Variants in LRRN1 observed in about 807,000 individuals in gnomAD.
The protein encoded by LRRN1 is leucine-rich repeat neuronal protein 1.
LRRN1 carries 14 observed loss-of-function variants against 45.8 expected under a neutral mutation model. That is an observed-to-expected ratio of 0.31 (90% confidence interval 0.20 to 0.48). LRRN1 has a LOEUF of 0.48. Ranked by LOEUF, LRRN1 falls within the 20% of genes least tolerant of loss-of-function variation. The pLI is 0.99. For missense variants in LRRN1, 789 were observed against 874.2 expected (o/e 0.90, Z 1.23); for synonymous variants, 359 against 330.1 (o/e 1.09, Z -0.95).
chr3:3,802,749 G>A (rs767476299), intron 1 of LRRN1, among the ~76,000 whole-genome samples: 30 of 152,164 alleles, frequency 2.0e-4, no homozygotes, highest in Non-Finnish European at 3.7e-4. Flanking sequence ...GACTCTACAC[G>A]CCTGATGTCT....
In LRRN1 at chr3:3,846,225, A is replaced by C; in HGVS notation, c.1584A>C (p.Lys528Asn). Reference sequence around the variant, plus strand: ...TTCTGGATGGTACCCAGGTGCTAAAAATATACGTCAAGCAGACAGAATCCC... The same window carrying C: ...TTCTGGATGGTACCCAGGTGCTAAACATATACGTCAAGCAGACAGAATCCC... Reference protein sequence around the residue: ...GTLLDGTQVLKIYVKQTESHS... With the variant: ...GTLLDGTQVLNIYVKQTESHS... The change falls in exon 2 of 2, where the codon AAA (lysine) becomes AAC (asparagine). Residue 528 changes from lysine to asparagine, a missense_variant. Physicochemically the swap from Lys to Asn is moderately conservative, Grantham distance 94. Coordinates refer to ENST00000319331, the MANE Select transcript of LRRN1 (RefSeq NM_020873.7). The surrounding 1 kb of genome is among the most constrained non-coding windows in gnomAD (Gnocchi z 5.7). 1 of 1,614,086 alleles carries C rather than the reference A, an allele frequency of 6.2e-7. No homozygotes were observed. Among genetic ancestry groups the C allele is most frequent in the Non-Finnish European group, 8.5e-7 (1 of 1,180,026 alleles).
intron 1 of LRRN1, among the ~76,000 whole-genome samples, chr3:3,811,062 T>TA (rs1420682336): frequency 6.6e-6 from 1 of 152,130 alleles, no homozygotes; most frequent in Non-Finnish European, 1.5e-5. Flanking sequence ...ACCACACAGC[T>TA]GGTCACCTGG....
At chr3:3,812,730 G>T (rs1238967013) in intron 1 of LRRN1, among the ~76,000 whole-genome samples, 1 of 151,280 alleles carries the variant, frequency 6.6e-6, no homozygotes, top group Non-Finnish European at 1.5e-5. Context: ...CATATGCCAA[G>T]TCGGGCACAC....
At chr3:3,834,149 T>C (rs1404219034) in intron 1 of LRRN1, among the ~76,000 whole-genome samples, 4 of 152,094 alleles carry the variant, frequency 2.6e-5, no homozygotes. Flanking sequence ...TCATTTTCCA[T>C]CATTTTCTTT....
At chr3:3,823,292 C>G (rs1307833827) in intron 1 of LRRN1, among the ~76,000 whole-genome samples, 1 of 152,068 alleles carries the variant, frequency 6.6e-6, no homozygotes, top group African/African-American at 2.4e-5. Flanking sequence ...TTCCTTCCTT[C>G]ATCACTTTCT....
intron 1 of LRRN1, among the ~76,000 whole-genome samples, chr3:3,803,467 A>T (rs1465642765): frequency 6.6e-6 from 1 of 152,190 alleles, no homozygotes; most frequent in East Asian, 1.9e-4. Flanking sequence ...TCCCCGAATG[A>T]TTCATTTCAG....
Position 3,826,003 on chromosome 3 carries a change from T to C in LRRN1, c.-278-18361T>C, listed in dbSNP as rs919297310. On this transcript the variant is annotated intron_variant, in intron 1 of 1. Coordinates refer to ENST00000319331, the MANE Select transcript of LRRN1 (RefSeq NM_020873.7). ...GCCATAAAGGGACTCTGAAAGCAGG[T>C]AGGTTCTGTTTGGCCTGCACAGCTA... is the stretch of plus-strand genomic sequence containing the variant. 2.6e-5 allele frequency among the ~76,000 whole-genome samples: 4 copies of C among 152,156 alleles called. No homozygotes were observed. In the South Asian group the frequency reaches 8.3e-4, roughly 31 times the overall value.
chr3:3,844,569 A>G lies in LRRN1; in HGVS notation c.-73A>G, dbSNP rs1693715321. 3.5e-6 allele frequency: 4 copies of G among 1,128,244 alleles called. No homozygotes were observed. Among genetic ancestry groups the G allele is most frequent in the Non-Finnish European group, 5.1e-6 (4 of 781,512 alleles). 69.9% of individuals were successfully genotyped at this position (1,128,244 alleles called of 1,614,324 possible). ...TTACATTTTCTGCTCGCTGTCCTAC[A>G]TATCACAATATAGTGTTCACGTTTT... On this transcript the variant is annotated 5_prime_UTR_variant, in exon 2 of 2. Coordinates refer to ENST00000319331, the MANE Select transcript of LRRN1 (RefSeq NM_020873.7).
intron 1 of LRRN1, among the ~76,000 whole-genome samples, chr3:3,826,094 A>T (rs13086561): frequency 6.6e-6 from 1 of 151,940 alleles, no homozygotes; most frequent in African/African-American, 2.4e-5. Flanking sequence ...ACTGCTTCTT[A>T]CTGTGTTAGA....
intron 1 of LRRN1, among the ~76,000 whole-genome samples, chr3:3,807,030 C>T (rs1442211): frequency 0.047 from 7,082 of 152,270 alleles, 231 homozygotes; most frequent in Non-Finnish European, 0.068. Context: ...GGAGTCCTAA[C>T]AGGTAACAAG....
Position 3,799,852 on chromosome 3 carries a change from T to TGCCGCC in LRRN1, c.-335_-330dup, listed in dbSNP as rs200165542. 120 of 163,564 alleles carry TGCCGCC rather than the reference T, an allele frequency of 7.3e-4. 2 individuals carry two copies. The highest frequency in any genetic ancestry group is 2.3e-3 in the Admixed American group (36 of 15,580). 10.1% of individuals were successfully genotyped at this position (163,564 alleles called of 1,614,324 possible). ...GTCTTTCTCCTCCTCCTGCTGCTGC[T>TGCCGCC]GCCGCCGCCGCCGCCGTGGGTGCCG... On this transcript the variant is annotated 5_prime_UTR_variant, in exon 1 of 2. Coordinates refer to ENST00000319331, the MANE Select transcript of LRRN1 (RefSeq NM_020873.7).
rs943883168 is a variant in LRRN1, at chr3:3,848,269, T to A, written c.*1477T>A. On this transcript the variant is annotated 3_prime_UTR_variant, in exon 2 of 2. Transcript: ENST00000319331. ...TTCATCCAAATATATATAGACAGTT[T>A]TGGAGAATTGTTTCAAGATTATAGA... 6.6e-6 allele frequency among the ~76,000 whole-genome samples: 1 copy of A among 152,178 alleles called. No homozygotes were observed. Among genetic ancestry groups the A allele is most frequent in the African/African-American group, 2.4e-5 (1 of 41,446 alleles).
chr3:3,810,376 G>A (rs929744322), intron 1 of LRRN1, among the ~76,000 whole-genome samples: 7 of 152,302 alleles, frequency 4.6e-5, no homozygotes, highest in South Asian at 2.1e-4. Context: ...AATGCTGAGC[G>A]TGTTGTAAAT....
intron 1 of LRRN1, among the ~76,000 whole-genome samples, chr3:3,814,181 C>G (rs1559286424): frequency 1.4e-5 from 2 of 147,174 alleles, no homozygotes. Context: ...ACCAGTTTCT[C>G]CCTATCTAGT....
intron 1 of LRRN1, among the ~76,000 whole-genome samples, chr3:3,826,833 C>T (rs776128061): frequency 6.6e-5 from 10 of 152,100 alleles, no homozygotes; most frequent in Non-Finnish European, 1.0e-4. Context: ...GCGTTCAGAT[C>T]GTATGTGCAA....
Position 3,849,371 on chromosome 3 carries a change from C to G in LRRN1, c.*2579C>G, listed in dbSNP as rs1285110201. ...TTCTTCAGTAAAGTACTGGAACTTA[C>G]TTTTCCCTGTCTGTGCTAATGAGCT... On this transcript the variant is annotated 3_prime_UTR_variant, in exon 2 of 2. Transcript: ENST00000319331. 6.6e-6 allele frequency among the ~76,000 whole-genome samples: 1 copy of G among 152,206 alleles called. No individual in the cohort carries two copies. Among genetic ancestry groups the G allele is most frequent in the Non-Finnish European group, 1.5e-5 (1 of 68,026 alleles).
chr3:3,815,907 T>G (rs1308947061), intron 1 of LRRN1, among the ~76,000 whole-genome samples: 1 of 3,186 alleles, frequency 3.1e-4, no homozygotes, highest in African/African-American at 3.7e-4. Flanking sequence ...TAACCCTTTC[T>G]TAGTCTAAGA....
chr3:3,824,020 T>G (rs187893573), intron 1 of LRRN1, among the ~76,000 whole-genome samples: 294 of 152,280 alleles, frequency 1.9e-3, no homozygotes, highest in Non-Finnish European at 1.9e-3. Context: ...CCCCTAACTC[T>G]TGGTCCAGTG....
intron 1 of LRRN1, among the ~76,000 whole-genome samples, chr3:3,830,402 A>G (rs545086064): frequency 2.0e-5 from 3 of 152,246 alleles, no homozygotes; most frequent in African/African-American, 7.2e-5. Context: ...CTTCCATCCA[A>G]AGTGCACAAC....
Sources: allele counts gnomAD v4.1 joint callset (sites outside exome capture counted in the v4.1 genomes callset), GRCh38; gene constraint gnomAD v4.1.1; non-coding constraint Gnocchi (gnomAD v3.1); transcripts MANE v1.5; gene names NCBI Gene and HGNC (gene_info 2026-07-23, HGNC 2026-07-21).